Variants in MAML2 observed in about 807,000 individuals in gnomAD.
MAML2 encodes the protein mastermind like transcriptional coactivator 2, also known as mastermind-like protein 2.
A neutral mutation model predicts 96.1 loss-of-function variants in MAML2; 22 were observed. The ratio of observed to expected loss-of-function variants is 0.23; its 90% CI spans 0.16 to 0.33. The LOEUF is 0.33. MAML2 is among the 10% of genes least tolerant of loss of function. MAML2 has a pLI of 1.00. For missense variants in MAML2, 1,367 were observed against 1,392.4 expected, an observed-to-expected ratio of 0.98 and a Z score of 0.29; for synonymous variants, 561 against 521.3, an observed-to-expected ratio of 1.08 and a Z score of -1.04.
In MAML2 at chr11:96,218,394, C is replaced by CT. The variant is rs549481394; in HGVS notation, c.513+122988dup. Among the ~76,000 whole-genome samples, 21 of 152,238 alleles carry CT rather than the reference C, an allele frequency of 1.4e-4. No individual in the cohort carries two copies. The East Asian group carries it at 3.3e-3, about 24-fold the overall frequency. ...CTTGGAAATCCAGTTTTCAGCATGT[C>CT]TTTTTTTATCCTCAGCGTACACAGC... is the stretch of plus-strand genomic sequence containing the variant. On this transcript the variant is annotated intron_variant, in intron 1 of 4. Coordinates refer to ENST00000524717, the MANE Select transcript of MAML2 (RefSeq NM_032427.4).
At chr11:96,126,493 C>T (rs1448573568) in intron 1 of MAML2, among the ~76,000 whole-genome samples, 3 of 152,180 alleles carry the variant, frequency 2.0e-5, no homozygotes, top group East Asian at 1.9e-4. Context: ...ACCCAGGAGG[C>T]GGAGCTTGCA....
chr11:96,140,030 A>T (rs546363497), intron 1 of MAML2, among the ~76,000 whole-genome samples: 34 of 152,346 alleles, frequency 2.2e-4, no homozygotes, highest in African/African-American at 7.9e-4. Context: ...CTCAAACCCA[A>T]GTAAATTGCT....
At position 96,121,780 on chromosome 11, in the gene MAML2, A is replaced by ATTTTTTTTTT. The variant is rs543373689; in HGVS notation, c.514-28273_514-28264dup. ...TCCATTCCATATTCCCAACTGCGTG[A>ATTTTTTTTTT]TTTTTTTTTTTTTTTTTTTTTTTTG... is the stretch of plus-strand genomic sequence containing the variant. On this transcript the variant is annotated intron_variant, in intron 1 of 4. Transcript: ENST00000524717. Among the ~76,000 whole-genome samples, 203 of 35,224 alleles carry ATTTTTTTTTT rather than the reference A, an allele frequency of 5.8e-3. 67 individuals are homozygous for ATTTTTTTTTT. The highest frequency in any genetic ancestry group is 0.029 in the Middle Eastern group (1 of 34). 23.1% of individuals were successfully genotyped at this position (35,224 alleles called of 152,430 possible). A position where few individuals can be genotyped will look rare whatever the true frequency, so the allele number is the denominator to read the frequency against.
chr11:96,197,819 T>C (rs1208027340), intron 1 of MAML2, among the ~76,000 whole-genome samples: 1 of 152,194 alleles, frequency 6.6e-6, no homozygotes, highest in Non-Finnish European at 1.5e-5. Flanking sequence ...TCTGAGGGGA[T>C]AGAAGTGAAG....
At chr11:96,243,681 T>C (rs1591092131) in intron 1 of MAML2, among the ~76,000 whole-genome samples, 1 of 133,744 alleles carries the variant, frequency 7.5e-6, no homozygotes, top group African/African-American at 2.9e-5. Flanking sequence ...TGAGACGGAG[T>C]CTCGCTTTGT....
chr11:95,979,628 C>T lies in MAML2; in HGVS notation c.2791G>A (p.Gly931Ser), dbSNP rs751681429. 2 of 1,613,754 alleles carry T rather than the reference C, an allele frequency of 1.2e-6. No individual in the cohort carries two copies. The highest frequency in any genetic ancestry group is 3.3e-5 in the Admixed American group (2 of 59,976). ...TTTGGTCTCAATTGTTGTGAATTAC[C>T]AACAGATCCAGCTCCAAAAGTGGCT... ...NVATFGAGSV[G>S]NSQQLRPNLT... Residue 931 changes from glycine to serine, a missense_variant, in exon 5 of 5, where the codon GGT becomes AGT. By Grantham distance (56) the Gly-to-Ser change is moderately conservative. Coordinates refer to ENST00000524717, the MANE Select transcript of MAML2 (RefSeq NM_032427.4).
chr11:96,332,750 T>C (rs1863870399), intron 1 of MAML2, among the ~76,000 whole-genome samples: 1 of 152,124 alleles, frequency 6.6e-6, no homozygotes, highest in Non-Finnish European at 1.5e-5. Flanking sequence ...AACAGAAACA[T>C]CAACAACAAC....
chr11:96,131,445 C>T (rs1860548143), intron 1 of MAML2, among the ~76,000 whole-genome samples: 1 of 152,128 alleles, frequency 6.6e-6, no homozygotes, highest in Non-Finnish European at 1.5e-5. Flanking sequence ...ATATATAGAA[C>T]ATATACTTAA....
At chr11:96,001,051 C>A (rs546399571) in intron 2 of MAML2, among the ~76,000 whole-genome samples, 1 of 152,192 alleles carries the variant, frequency 6.6e-6, no homozygotes, top group African/African-American at 2.4e-5. Flanking sequence ...TTGCTCAGTA[C>A]CTTCTCCTGC....
intron 2 of MAML2, among the ~76,000 whole-genome samples, chr11:95,994,650 TATTG>T: frequency 6.6e-6 from 1 of 152,302 alleles, no homozygotes; most frequent in Non-Finnish European, 1.5e-5. Flanking sequence ...GGAGAGAATG[TATTG>T]GAGATGGTAG....
chr11:96,093,551 A>G, intron 1 of MAML2, 34 bp from the exon 2 acceptor site: 1 of 1,370,294 alleles, frequency 7.3e-7, no homozygotes, highest in Non-Finnish European at 1.0e-6. Context: ...AGGAAAAATA[A>G]GAAATATGAA....
intron 2 of MAML2, among the ~76,000 whole-genome samples, chr11:96,045,808 C>T (rs890242456): frequency 2.0e-5 from 3 of 151,782 alleles, no homozygotes; most frequent in African/African-American, 7.3e-5. Context: ...CCTCAGGAAA[C>T]ATTTGATTGC....
At chr11:96,199,734 C>G (rs1382394852) in intron 1 of MAML2, among the ~76,000 whole-genome samples, 4 of 152,200 alleles carry the variant, frequency 2.6e-5, no homozygotes, top group Non-Finnish European at 5.9e-5. Context: ...CTCGCTAAAT[C>G]TAACTCTGCT....
chr11:96,215,211 TTCCAACTCA>T (rs1283692079), intron 1 of MAML2, among the ~76,000 whole-genome samples: 68 of 152,334 alleles, frequency 4.5e-4, no homozygotes, highest in Non-Finnish European at 7.6e-4. Context: ...AATGGGGTAA[TTCCAACTCA>T]GAAATAAATC....
rs527921762 is a variant in MAML2 at position 96,144,403 on chromosome 11, G to A, written c.514-50886C>T. ...TCTTCCAGTAAGCCAAGAATGAGGG[G>A]AGAAGAGGGAGGCAGGTTGGGACGA... On this transcript the variant is annotated intron_variant, in intron 1 of 4. Transcript: ENST00000524717. Among the ~76,000 whole-genome samples the A allele has an allele frequency of 4.6e-5, 7 of 152,300 alleles. No individual in the cohort carries two copies. In the East Asian group the frequency reaches 1.3e-3, roughly 29 times the overall value.
chr11:96,229,925 C>T (rs1565256078), intron 1 of MAML2, among the ~76,000 whole-genome samples: 1 of 152,022 alleles, frequency 6.6e-6, no homozygotes, highest in Non-Finnish European at 1.5e-5. Context: ...TATCCTAGAA[C>T]CAGTGAAACT....
At chr11:96,332,029 T>C (rs141578916) in intron 1 of MAML2, among the ~76,000 whole-genome samples, 14 of 152,280 alleles carry the variant, frequency 9.2e-5, no homozygotes, top group Non-Finnish European at 1.9e-4. Flanking sequence ...TCTCTTTCAT[T>C]GCTGTGGGTG....
At chr11:96,183,331 T>TA (rs869251444) in intron 1 of MAML2, among the ~76,000 whole-genome samples, 1 of 80 alleles carries the variant, frequency 0.013, no homozygotes, top group Non-Finnish European at 0.024. Flanking sequence ...GAATTTTAGA[T>TA]TTTTTATTTC....
At chr11:96,301,285 A>C (rs1214295917) in intron 1 of MAML2, among the ~76,000 whole-genome samples, 2 of 152,216 alleles carry the variant, frequency 1.3e-5, no homozygotes, top group Non-Finnish European at 2.9e-5. Context: ...TTTTTCTGTC[A>C]CCAGGACTGG....
Sources: gnomAD v4.1 joint callset for allele counts (sites outside exome capture counted in the v4.1 genomes callset) on GRCh38, gnomAD v4.1.1 for gene constraint, MANE v1.5 for transcripts, NCBI Gene and HGNC (gene_info 2026-07-23, HGNC 2026-07-21) for gene names.